The following CADM1 variants were observed in gnomAD, a reference collection of about 807,000 sequenced individuals.
CADM1 encodes TSLC-1.
CADM1 carries 15 observed loss-of-function variants against 53.1 expected under a neutral mutation model. The observed-to-expected ratio is 0.28, with a 90% CI of 0.19 to 0.44. The LOEUF (loss-of-function observed/expected upper bound fraction) is 0.44, where lower values mean the gene tolerates loss of function less well. Among genes scored for constraint, CADM1 ranks in the 20% least tolerant of loss-of-function variants. The probability of loss-of-function intolerance (pLI) is 1.00; values close to 1 mark genes in which losing one functional copy is unlikely to be tolerated. For synonymous variants in CADM1, 281 were observed against 243.0 expected, an observed-to-expected ratio of 1.16 and a Z score of -1.45; for missense variants, 434 against 611.3, an observed-to-expected ratio of 0.71 and a Z score of 3.06.
rs910105398 is a variant in CADM1 at position 115,432,305 on chromosome 11, G to A, written c.124+71966C>T. Among the ~76,000 whole-genome samples the A allele has an allele frequency of 3.3e-5, 5 of 152,146 alleles. No homozygotes were observed. The East Asian group carries it at 5.8e-4, about 18-fold the overall frequency. Reference sequence around the variant, plus strand: ...GAGCATGAGGGCCAAGTCTGCTTTCGCTCACCATTGTCCCTTTCTCCCCAT... The same window carrying A: ...GAGCATGAGGGCCAAGTCTGCTTTCACTCACCATTGTCCCTTTCTCCCCAT... On this transcript the variant is annotated intron_variant, in intron 1 of 11. Coordinates refer to ENST00000331581, the MANE Select transcript of CADM1 (RefSeq NM_001301043.2).
intron 1 of CADM1, among the ~76,000 whole-genome samples, chr11:115,357,747 T>C (rs947735670): frequency 2.0e-5 from 3 of 152,176 alleles, no homozygotes; most frequent in African/African-American, 7.2e-5. Flanking sequence ...TTTAGCTAAA[T>C]AACACGTCTA....
chr11:115,407,613 G>T (rs1034822873), intron 1 of CADM1, among the ~76,000 whole-genome samples: 3 of 152,000 alleles, frequency 2.0e-5, no homozygotes, highest in African/African-American at 7.3e-5. Context: ...GGCAGAGTTG[G>T]CCAGGAACGG....
intron 1 of CADM1, among the ~76,000 whole-genome samples, chr11:115,244,548 G>T (rs922384965): frequency 1.3e-5 from 2 of 152,080 alleles, no homozygotes; most frequent in East Asian, 1.9e-4. Flanking sequence ...CAGTATCCCC[G>T]CTTTAGAGAT....
At chr11:115,335,969 T>C (rs1945256263) in intron 1 of CADM1, among the ~76,000 whole-genome samples, 1 of 152,138 alleles carries the variant, frequency 6.6e-6, no homozygotes, top group African/African-American at 2.4e-5. Flanking sequence ...CCAGAAAATG[T>C]CTGCCAAATA....
chr11:115,221,750 G>C (rs1016254551), intron 5 of CADM1, among the ~76,000 whole-genome samples: 1 of 152,096 alleles, frequency 6.6e-6, no homozygotes, highest in Non-Finnish European at 1.5e-5. Context: ...TTTAGAAAAA[G>C]GTACTTTGCA....
intron 9 of CADM1, among the ~76,000 whole-genome samples, chr11:115,194,552 A>G (rs752513985): frequency 3.9e-5 from 6 of 152,234 alleles, no homozygotes; most frequent in Non-Finnish European, 7.3e-5. Flanking sequence ...AACAATTTAA[A>G]AACTCATTGG....
intron 1 of CADM1, among the ~76,000 whole-genome samples, chr11:115,420,571 C>T (rs1947728081): frequency 2.0e-5 from 3 of 152,156 alleles, no homozygotes; most frequent in Admixed American, 1.3e-4. Flanking sequence ...TAGAAAAGGT[C>T]ATTAAAAAGC....
intron 1 of CADM1, among the ~76,000 whole-genome samples, chr11:115,318,012 ACAC>A (rs1187268587): frequency 6.7e-6 from 1 of 148,264 alleles, no homozygotes; most frequent in African/African-American, 2.5e-5. Context: ...ACACACACAC[ACAC>A]AATAAAAGTA....
chr11:115,199,351 T>C (rs1940314314), intron 8 of CADM1, among the ~76,000 whole-genome samples: 1 of 152,138 alleles, frequency 6.6e-6, no homozygotes, highest in Non-Finnish European at 1.5e-5. Flanking sequence ...GTGCAGTTTT[T>C]TGTTTTTGTT....
intron 1 of CADM1, among the ~76,000 whole-genome samples, chr11:115,333,889 C>G (rs1162354929): frequency 6.6e-6 from 1 of 152,118 alleles, no homozygotes; most frequent in Non-Finnish European, 1.5e-5. Context: ...ATTTTGAAAA[C>G]AATCAGCTGA....
At chr11:115,381,207 T>C (rs1193660276) in intron 1 of CADM1, among the ~76,000 whole-genome samples, 1 of 150,802 alleles carries the variant, frequency 6.6e-6, no homozygotes, top group African/African-American at 2.4e-5. Context: ...GGCAGGAGAA[T>C]CACTTGAACC....
intron 1 of CADM1, among the ~76,000 whole-genome samples, chr11:115,390,095 G>A (rs1177897902): frequency 1.3e-5 from 2 of 152,076 alleles, no homozygotes; most frequent in African/African-American, 4.8e-5. Context: ...AGCCATCAGA[G>A]GATAGTGGGA....
chr11:115,264,157 T>G (rs1238765671), intron 1 of CADM1, among the ~76,000 whole-genome samples: 1 of 152,186 alleles, frequency 6.6e-6, no homozygotes, highest in African/African-American at 2.4e-5. Context: ...AATGGCTCTT[T>G]TATCTGCATT....
chr11:115,423,378 C>T (rs1311143461), intron 1 of CADM1, among the ~76,000 whole-genome samples: 9 of 152,088 alleles, frequency 5.9e-5, no homozygotes, highest in African/African-American at 1.9e-4. Context: ...TTAAAACACC[C>T]GTTACTTAAC....
chr11:115,190,741 A>G (rs1248129214), intron 10 of CADM1, 147 bp downstream of exon 10: 7 of 596,732 alleles, frequency 1.2e-5, no homozygotes, highest in Non-Finnish European at 1.8e-5. Flanking sequence ...GTGACCGGGG[A>G]GGAAGACAGT....
intron 1 of CADM1, among the ~76,000 whole-genome samples, chr11:115,405,088 T>A (rs1192367876): frequency 2.6e-5 from 4 of 152,122 alleles, no homozygotes; most frequent in Non-Finnish European, 4.4e-5. Flanking sequence ...GTCTCTCAAG[T>A]AGCTTGGACT....
At chr11:115,361,052 T>C (rs1946014767) in intron 1 of CADM1, among the ~76,000 whole-genome samples, 3 of 152,294 alleles carry the variant, frequency 2.0e-5, no homozygotes, top group East Asian at 1.9e-4. Flanking sequence ...ATAATGTCTA[T>C]ATGTAATTAA....
intron 1 of CADM1, among the ~76,000 whole-genome samples, chr11:115,249,661 T>C (rs1307101515): frequency 6.6e-6 from 1 of 152,210 alleles, no homozygotes; most frequent in African/African-American, 2.4e-5. Flanking sequence ...TAGATTTCTC[T>C]TTTACCCCAG....
At chr11:115,187,260 T>G (rs79939718) in intron 10 of CADM1, among the ~76,000 whole-genome samples, 1,766 of 152,114 alleles carry the variant, frequency 0.012, 27 homozygotes, top group African/African-American at 0.04. Flanking sequence ...TAGGAAAGAG[T>G]TCCCCCTAAA....
Sources: allele counts gnomAD v4.1 joint callset (sites outside exome capture counted in the v4.1 genomes callset), GRCh38; gene constraint gnomAD v4.1.1; transcripts MANE v1.5; gene names NCBI Gene and HGNC (gene_info 2026-07-23, HGNC 2026-07-21).